RPS6KA2: variants seen among roughly 807,000 people sequenced by gnomAD.
RPS6KA2 encodes the protein ribosomal protein S6 kinase A2.
In RPS6KA2, 42 loss-of-function variants were observed where a neutral mutation model predicts 91.8. The observed-to-expected ratio is 0.46, with a 90% CI of 0.36 to 0.59. The LOEUF (loss-of-function observed/expected upper bound fraction) is 0.59. Ranked by LOEUF, RPS6KA2 falls within the 20% of genes least tolerant of loss-of-function variation. The pLI is 0.00. For synonymous variants in RPS6KA2, 414 were observed against 393.6 expected, an observed-to-expected ratio of 1.05 and a Z score of -0.61; for missense variants, 798 against 978.5, an observed-to-expected ratio of 0.82 and a Z score of 2.46.
rs1778349237 is a variant in RPS6KA2 at position 166,412,678 on chromosome 6, C to G, written c.*84G>C. The G allele has an allele frequency of 2.9e-6, 4 of 1,383,090 alleles. No homozygotes were observed. Among genetic ancestry groups the G allele is most frequent in the Non-Finnish European group, 3.9e-6 (4 of 1,030,826 alleles). 85.7% of individuals were successfully genotyped at this position (1,383,090 alleles called of 1,614,324 possible). Reference sequence around the variant, plus strand: ...CCTCCCTGCTGGACTTGTGGTCACTCTGGGTGCCAGACGGGCTCCGAGGCC... The same window carrying G: ...CCTCCCTGCTGGACTTGTGGTCACTGTGGGTGCCAGACGGGCTCCGAGGCC... On this transcript the variant is annotated 3_prime_UTR_variant, in exon 21 of 21. Transcript: ENST00000265678. The surrounding 1 kb of genome is among the most constrained non-coding windows in gnomAD (Gnocchi z 4.3).
intron 2 of RPS6KA2, among the ~76,000 whole-genome samples, chr6:166,673,107 A>C (rs1313656791): frequency 6.6e-6 from 1 of 151,808 alleles, no homozygotes; most frequent in African/African-American, 2.4e-5. Context: ...GTAAAGGGAG[A>C]TGCAGAACCT....
intron 2 of RPS6KA2, among the ~76,000 whole-genome samples, chr6:166,808,737 G>A (rs1779557031): frequency 6.6e-6 from 1 of 152,142 alleles, no homozygotes; most frequent in Non-Finnish European, 1.5e-5. Flanking sequence ...GTGTTCTTGG[G>A]GTAGGAGCAC....
At chr6:166,462,747 GCTTTCC>G (rs911501704) in intron 11 of RPS6KA2, among the ~76,000 whole-genome samples, 2 of 152,186 alleles carry the variant, frequency 1.3e-5, no homozygotes, top group African/African-American at 4.8e-5. Context: ...GCCCGCCTCT[GCTTTCC>G]CCGTGCTTTC....
chr6:166,679,696 G>A (rs1788725992), intron 2 of RPS6KA2, among the ~76,000 whole-genome samples: 1 of 152,014 alleles, frequency 6.6e-6, no homozygotes, highest in African/African-American at 2.4e-5. Flanking sequence ...TGTGCTGTGG[G>A]GGCCCATCTC....
intron 2 of RPS6KA2, among the ~76,000 whole-genome samples, chr6:166,685,665 G>A (rs564544031): frequency 1.9e-4 from 29 of 152,086 alleles, no homozygotes; most frequent in African/African-American, 4.1e-4. Flanking sequence ...ATTCCTCCCC[G>A]TGCACCACCA....
chr6:166,466,889 C>G (rs539083242), intron 11 of RPS6KA2, among the ~76,000 whole-genome samples: 129 of 150,396 alleles, frequency 8.6e-4, no homozygotes, highest in Admixed American at 2.5e-3. Flanking sequence ...CTCACTCATT[C>G]ACTCACTCCC....
intron 2 of RPS6KA2, among the ~76,000 whole-genome samples, chr6:166,840,615 G>C (rs1780446009): frequency 6.6e-6 from 1 of 152,218 alleles, no homozygotes; most frequent in African/African-American, 2.4e-5. Flanking sequence ...CCAGTGAGTT[G>C]TGTCCTGAGC....
At chr6:166,504,433 T>C in intron 6 of RPS6KA2, 73 bp downstream of exon 6, 1 of 873,180 alleles carries the variant, frequency 1.1e-6, no homozygotes, top group Non-Finnish European at 1.9e-6. Flanking sequence ...TAGCAGTGGC[T>C]ACCAACATGG....
intron 1 of RPS6KA2, among the ~76,000 whole-genome samples, chr6:166,606,854 A>C (rs1357914661): frequency 6.6e-6 from 1 of 152,164 alleles, no homozygotes; most frequent in Non-Finnish European, 1.5e-5. Flanking sequence ...GAAAAAATGG[A>C]TCTCGGCTGG....
intron 2 of RPS6KA2, among the ~76,000 whole-genome samples, chr6:166,752,444 A>C (rs898226425): frequency 2.0e-5 from 3 of 152,252 alleles, no homozygotes; most frequent in African/African-American, 7.2e-5. Context: ...AGAAAGGCAG[A>C]GAGAGATTTT....
chr6:166,855,964 T>C (rs995076668), intron 2 of RPS6KA2, among the ~76,000 whole-genome samples: 3 of 152,258 alleles, frequency 2.0e-5, no homozygotes, highest in African/African-American at 7.2e-5. Flanking sequence ...TATTCCGTTA[T>C]CAAAAACAAC....
At position 166,714,732 on chromosome 6, in the gene RPS6KA2, C is replaced by T. The variant is rs769480772; in HGVS notation, c.123+143468G>A. Among the ~76,000 whole-genome samples, 135 of 152,348 alleles carry T rather than the reference C, an allele frequency of 8.9e-4. 1 individual carries two copies. The highest frequency in any genetic ancestry group is 1.5e-3 in the Non-Finnish European group (103 of 68,032). Reference sequence around the variant, plus strand: ...GTCCCTCCCCGCCTCAGCAGGAGCCCACTCTGCCACACCTCCAACTCGGAC... The same window carrying T: ...GTCCCTCCCCGCCTCAGCAGGAGCCTACTCTGCCACACCTCCAACTCGGAC... On this transcript the variant is annotated intron_variant, in intron 2 of 21. Transcript: ENST00000503859.
intron 2 of RPS6KA2, among the ~76,000 whole-genome samples, chr6:166,689,077 CA>C (rs1356250196): frequency 2.6e-5 from 4 of 152,260 alleles, no homozygotes; most frequent in African/African-American, 4.8e-5. Flanking sequence ...CAGCCCTGAG[CA>C]GGTCCTCCCC....
chr6:166,503,050 A>C (rs1182377495), intron 6 of RPS6KA2, among the ~76,000 whole-genome samples: 1 of 152,222 alleles, frequency 6.6e-6, no homozygotes, highest in Non-Finnish European at 1.5e-5. Flanking sequence ...CCTTCTACAC[A>C]TCACCTGGAG....
At position 166,648,031 on chromosome 6, in the gene RPS6KA2, C is replaced by G. The variant is rs1787701532; in HGVS notation, c.124-109247G>C. Among the ~76,000 whole-genome samples, 1 of 141,522 alleles carries G rather than the reference C, an allele frequency of 7.1e-6. No homozygotes were observed. Among genetic ancestry groups the G allele is most frequent in the Non-Finnish European group, 1.5e-5 (1 of 66,804 alleles). The allele number at this position is 141,522 out of a possible 152,430, so 92.8% of individuals were successfully genotyped here. On this transcript the variant is annotated intron_variant, in intron 2 of 21. Coordinates refer to the RPS6KA2 transcript ENST00000503859. This position sits in a 1 kb window ranked among gnomAD's most constrained non-coding sequence, Gnocchi z 4.8. ...GCACATGCTTACACACATACATACA[C>G]ACATGCTCTCACACACATGCACATG...
intron 6 of RPS6KA2, among the ~76,000 whole-genome samples, chr6:166,503,136 C>T (rs1782081384): frequency 6.6e-6 from 1 of 152,120 alleles, no homozygotes; most frequent in South Asian, 2.1e-4. Context: ...TGGAATTTTC[C>T]ACTGGGGGGT....
intron 11 of RPS6KA2, among the ~76,000 whole-genome samples, chr6:166,460,991 C>G (rs1284977058): frequency 6.6e-6 from 1 of 152,124 alleles, no homozygotes; most frequent in East Asian, 1.9e-4. Context: ...CCCTGCTCTG[C>G]TTATCCGGGA....
intron 1 of RPS6KA2, among the ~76,000 whole-genome samples, chr6:166,540,081 A>C (rs1367980929): frequency 6.6e-6 from 1 of 152,204 alleles, no homozygotes; most frequent in Non-Finnish European, 1.5e-5. Flanking sequence ...TGAGACTCAG[A>C]TTACACATTA....
rs7750366 is a variant in RPS6KA2 at position 166,737,877 on chromosome 6, C to G, written c.123+120323G>C. On this transcript the variant is annotated intron_variant, in intron 2 of 21. Transcript: ENST00000503859. The surrounding 1 kb of genome is among the most constrained non-coding windows in gnomAD (Gnocchi z 4.3). ...AACAGAAATAACTTTGATTATGAAA[C>G]GAAGCTATTTCTCATTGTGAAAGAA... Among the ~76,000 whole-genome samples the G allele has an allele frequency of 0.17, 26,132 of 152,084 alleles. 2,469 individuals are homozygous for G. The highest frequency in any genetic ancestry group is 0.24 in the African/African-American group (10,149 of 41,468).
Sources: allele counts gnomAD v4.1 joint callset (sites outside exome capture counted in the v4.1 genomes callset), GRCh38; gene constraint gnomAD v4.1.1; non-coding constraint Gnocchi (gnomAD v3.1); transcripts MANE v1.5; gene names NCBI Gene and HGNC (gene_info 2026-07-23, HGNC 2026-07-21).